Variants in NIBAN1 observed in about 807,000 individuals in gnomAD.
NIBAN1 encodes the protein niban apoptosis regulator 1.
NIBAN1 carries 81 observed loss-of-function variants against 75.1 expected under a neutral mutation model. The observed-to-expected ratio is 1.08, with a 90% CI of 0.90 to 1.30. The LOEUF is 1.30. Among genes scored for constraint, NIBAN1 ranks in the 50% most tolerant of loss-of-function variants. The pLI, the probability that NIBAN1 is intolerant of heterozygous loss-of-function variation, is 0.00. For missense variants in NIBAN1, 1,133 were observed against 1,128.1 expected (o/e 1.00, Z -0.06); for synonymous variants, 436 against 424.8 (o/e 1.03, Z -0.32).
Position 184,808,164 on chromosome 1 carries a change from C to A in NIBAN1, c.1245G>T (p.Leu415=), listed in dbSNP as rs199952729. Residue 415 remains leucine, a synonymous_variant, in exon 10 of 14, where the codon CTG becomes CTT. Transcript: ENST00000367511. The part of the protein sequence containing the change: ...KMEPCYTKVN[L]LHERLQDLKS... Reference sequence around the variant, plus strand: ...TGAGATCCTGCAGGCGCTCGTGAAGCAGGTTGACTTTAGTATAACAAGGTT... The same window carrying A: ...TGAGATCCTGCAGGCGCTCGTGAAGAAGGTTGACTTTAGTATAACAAGGTT... The A allele has an allele frequency of 6.2e-7, 1 of 1,614,116 alleles. No individual in the cohort carries two copies. The highest frequency in any genetic ancestry group is 8.5e-7 in the Non-Finnish European group (1 of 1,180,018).
chr1:184,872,636 G>A (rs1312708977), intron 5 of NIBAN1, among the ~76,000 whole-genome samples: 1 of 152,084 alleles, frequency 6.6e-6, no homozygotes, highest in Non-Finnish European at 1.5e-5. Flanking sequence ...GAACCCAGGA[G>A]GTGGAGGTTG....
At chr1:184,936,200 T>C (rs1290816732) in intron 1 of NIBAN1, among the ~76,000 whole-genome samples, 3 of 152,104 alleles carry the variant, frequency 2.0e-5, no homozygotes, top group Non-Finnish European at 4.4e-5. Flanking sequence ...GCTTATGTGC[T>C]CTGCTTGGAC....
In NIBAN1 at chr1:184,904,610, C is replaced by A. The variant is rs145756527; in HGVS notation, c.56-5301G>T. Among the ~76,000 whole-genome samples the A allele has an allele frequency of 3.1e-4, 47 of 152,250 alleles. No homozygotes were observed. In the East Asian group the frequency reaches 8.7e-3, roughly 28 times the overall value. Reference sequence around the variant, plus strand: ...CTTGATTCCATTTCCTTTTCCCCATCCCAACCACCACACCTTCAATCAAGC... The same window carrying A: ...CTTGATTCCATTTCCTTTTCCCCATACCAACCACCACACCTTCAATCAAGC... On this transcript the variant is annotated intron_variant, in intron 1 of 13. Coordinates refer to ENST00000367511, the MANE Select transcript of NIBAN1 (RefSeq NM_052966.4).
chr1:184,893,062 G>A (rs1009223841), intron 3 of NIBAN1, among the ~76,000 whole-genome samples: 2 of 152,150 alleles, frequency 1.3e-5, no homozygotes, highest in African/African-American at 4.8e-5. Flanking sequence ...ATGAGCTACT[G>A]CACCTCGCCA....
chr1:184,870,283 G>A (rs1375618240), intron 5 of NIBAN1, among the ~76,000 whole-genome samples: 3 of 149,728 alleles, frequency 2.0e-5, no homozygotes, highest in Non-Finnish European at 2.9e-5. Context: ...CATGGGAAAG[G>A]TTTAAACTCT....
At chr1:184,831,142 T>C (rs1486429092) in intron 6 of NIBAN1, among the ~76,000 whole-genome samples, 1 of 152,166 alleles carries the variant, frequency 6.6e-6, no homozygotes, top group East Asian at 1.9e-4. Flanking sequence ...TTTCCTTAGA[T>C]TTATAATACT....
chr1:184,903,891 C>T (rs1408102059), intron 1 of NIBAN1, among the ~76,000 whole-genome samples: 1 of 151,242 alleles, frequency 6.6e-6, no homozygotes, highest in Non-Finnish European at 1.5e-5. Flanking sequence ...AGCGTGCCAC[C>T]ACACTTATTA....
chr1:184,938,823 G>A (rs1221690709), intron 1 of NIBAN1, among the ~76,000 whole-genome samples: 2 of 152,142 alleles, frequency 1.3e-5, no homozygotes, highest in African/African-American at 4.8e-5. Context: ...CTGACATTTA[G>A]TAAGATTATA....
intron 1 of NIBAN1, among the ~76,000 whole-genome samples, chr1:184,918,796 AGCTCATTGAAAGTGCATT>A (rs1657457484): frequency 6.6e-6 from 1 of 152,178 alleles, no homozygotes; most frequent in African/African-American, 2.4e-5. Context: ...CCAGTATAGC[AGCTCATTGAAAGTGCATT>A]GCTCATCTTT....
At chr1:184,931,061 A>G (rs943177776) in intron 1 of NIBAN1, among the ~76,000 whole-genome samples, 2 of 140,158 alleles carry the variant, frequency 1.4e-5, no homozygotes, top group Non-Finnish European at 3.0e-5. Flanking sequence ...GTGCAGTGGC[A>G]CTGTGTCGGC....
At chr1:184,840,835 C>T (rs538829431) in intron 5 of NIBAN1, among the ~76,000 whole-genome samples, 8 of 151,778 alleles carry the variant, frequency 5.3e-5, no homozygotes, top group Admixed American at 4.6e-4. Flanking sequence ...TAGACACAAT[C>T]AAATAGTTAA....
At position 184,840,630 on chromosome 1, in the gene NIBAN1, C is replaced by T. The variant is rs1655258526; in HGVS notation, c.602-8668G>A. The stretch of plus-strand genomic sequence containing the variant: ...TGACTTGTCAATAAATATTAAAAGA[C>T]TATTTGTCAACAGCGAAAAGGAAGT... On this transcript the variant is annotated intron_variant, in intron 5 of 13. Coordinates refer to ENST00000367511, the MANE Select transcript of NIBAN1 (RefSeq NM_052966.4). 2.6e-5 allele frequency among the ~76,000 whole-genome samples: 4 copies of T among 151,574 alleles called. No individual in the cohort carries two copies. The South Asian group carries it at 8.4e-4, about 32-fold the overall frequency.
chr1:184,808,227 G>T lies in NIBAN1; in HGVS notation c.1182C>A (p.Asp394Glu). 1 of 1,613,776 alleles carries T rather than the reference G, an allele frequency of 6.2e-7. No individual in the cohort carries two copies. The highest frequency in any genetic ancestry group is 8.5e-7 in the Non-Finnish European group (1 of 1,179,732). Reference protein sequence around the residue: ...KDSVQLKEHLDRLMNLPLHSV... With the variant: ...KDSVQLKEHLERLMNLPLHSV... ...AATGCAGCGGAAGATTCATAAGCCG[G>T]TCTAGATGCTGCATTTTGGTGAAGG... The change falls in exon 10 of 14, where the codon GAC (aspartate) becomes GAA (glutamate). Residue 394 changes from aspartate (D) to glutamate (E), a missense_variant. Physicochemically the swap from Asp to Glu is conservative, Grantham distance 45. Transcript: ENST00000367511.
chr1:184,801,858 T>C (rs546677843), intron 12 of NIBAN1, among the ~76,000 whole-genome samples: 2 of 152,354 alleles, frequency 1.3e-5, no homozygotes, highest in South Asian at 4.1e-4. Context: ...TATGGACATA[T>C]ATACTGTCAT....
chr1:184,833,679 G>A (rs1655056967), intron 5 of NIBAN1, among the ~76,000 whole-genome samples: 1 of 151,986 alleles, frequency 6.6e-6, no homozygotes, highest in Admixed American at 6.6e-5. Flanking sequence ...CCTATCCAGG[G>A]CAATAGAGTG....
chr1:184,934,869 T>C (rs1460112991), intron 1 of NIBAN1, among the ~76,000 whole-genome samples: 1 of 150,768 alleles, frequency 6.6e-6, no homozygotes, highest in Non-Finnish European at 1.5e-5. Context: ...CACTCCAGCA[T>C]GGGAGACAGA....
At chr1:184,929,795 T>C (rs1429592817) in intron 1 of NIBAN1, among the ~76,000 whole-genome samples, 2 of 152,238 alleles carry the variant, frequency 1.3e-5, no homozygotes. Context: ...TTAAAATGTA[T>C]CTGATAGATC....
intron 1 of NIBAN1, among the ~76,000 whole-genome samples, chr1:184,913,932 G>C (rs1365287675): frequency 6.6e-6 from 1 of 152,164 alleles, no homozygotes; most frequent in Non-Finnish European, 1.5e-5. Context: ...TCATCTGTCT[G>C]CATTCCCCCA....
At chr1:184,919,445 C>A (rs914662459) in intron 1 of NIBAN1, among the ~76,000 whole-genome samples, 1 of 152,146 alleles carries the variant, frequency 6.6e-6, no homozygotes, top group Admixed American at 6.5e-5. Flanking sequence ...AGATTAAGAC[C>A]ATGTTTATAT....
Sources: gnomAD v4.1 joint callset for allele counts (sites outside exome capture counted in the v4.1 genomes callset) on GRCh38, gnomAD v4.1.1 for gene constraint, MANE v1.5 for transcripts, NCBI Gene and HGNC (gene_info 2026-07-23, HGNC 2026-07-21) for gene names.